Variants in GRIA4 observed in about 807,000 individuals in gnomAD.
GRIA4 encodes the protein glutamate ionotropic receptor AMPA type subunit 4.
In GRIA4, 34 loss-of-function variants were observed where a neutral mutation model predicts 104.0. The ratio of observed to expected loss-of-function variants is 0.33; its 90% CI spans 0.25 to 0.44. The LOEUF is 0.44. GRIA4 is among the 20% of genes least tolerant of loss of function. GRIA4 has a pLI of 1.00. For synonymous variants in GRIA4, 386 were observed against 381.9 expected, an observed-to-expected ratio of 1.01 and a Z score of -0.13; for missense variants, 750 against 1,096.5, an observed-to-expected ratio of 0.68 and a Z score of 4.46.
At chr11:105,763,753 T>C (rs958766477) in intron 4 of GRIA4, among the ~76,000 whole-genome samples, 12 of 152,180 alleles carry the variant, frequency 7.9e-5, no homozygotes, top group Non-Finnish European at 1.3e-4. Context: ...ATTTGGAAGG[T>C]AGATGAAAGA....
At chr11:105,706,904 G>A (rs1439390836) in intron 3 of GRIA4, 1 of 152,224 alleles carries the variant, frequency 6.6e-6, no homozygotes, top group Non-Finnish European at 1.5e-5. Flanking sequence ...GTTTGATCAA[G>A]GTTCTATTTT....
At chr11:105,970,306 T>G (rs2136281876) in intron 14 of GRIA4, among the ~76,000 whole-genome samples, 1 of 151,998 alleles carries the variant, frequency 6.6e-6, no homozygotes, top group South Asian at 2.1e-4. Context: ...ATTTTAGAAT[T>G]TTTTTCAAAA....
At chr11:105,760,999 T>C (rs1487200866) in intron 4 of GRIA4, among the ~76,000 whole-genome samples, 1 of 152,150 alleles carries the variant, frequency 6.6e-6, no homozygotes, top group East Asian at 1.9e-4. Flanking sequence ...ATGTCAGAGG[T>C]TACATATGTT....
intron 5 of GRIA4, among the ~76,000 whole-genome samples, chr11:105,863,494 T>G (rs1945301633): frequency 6.6e-6 from 1 of 152,074 alleles, no homozygotes; most frequent in South Asian, 2.1e-4. Context: ...GTCCAAAAAA[T>G]TTTTGAAGTT....
intron 3 of GRIA4, among the ~76,000 whole-genome samples, chr11:105,712,790 C>T (rs947591233): frequency 6.6e-6 from 1 of 151,610 alleles, no homozygotes; most frequent in Non-Finnish European, 1.5e-5. Context: ...TTTAAAAGTA[C>T]ATTTGGCCTT....
chr11:105,807,376 A>G (rs1018150867), intron 4 of GRIA4, among the ~76,000 whole-genome samples: 2 of 151,956 alleles, frequency 1.3e-5, no homozygotes, highest in Non-Finnish European at 2.9e-5. Flanking sequence ...ATCAATAGAT[A>G]ATGTTAAACA....
chr11:105,782,812 G>C (rs984518268), intron 4 of GRIA4, among the ~76,000 whole-genome samples: 1 of 152,156 alleles, frequency 6.6e-6, no homozygotes, highest in Non-Finnish European at 1.5e-5. Flanking sequence ...TATGCTATAA[G>C]AAGGTCAAGG....
At chr11:105,931,229 G>T (rs1483983431) in intron 13 of GRIA4, among the ~76,000 whole-genome samples, 1 of 149,800 alleles carries the variant, frequency 6.7e-6, no homozygotes, top group Non-Finnish European at 1.5e-5. Context: ...CTAATATGAG[G>T]ATTCTGTTGC....
intron 15 of GRIA4, 68 bp downstream of exon 15, chr11:105,972,096 G>C: frequency 1.1e-6 from 1 of 922,734 alleles, no homozygotes. Flanking sequence ...ATTGTCAAAA[G>C]TATATGGAAA....
chr11:105,719,040 T>C (rs1461342014), intron 3 of GRIA4, among the ~76,000 whole-genome samples: 1 of 152,122 alleles, frequency 6.6e-6, no homozygotes, highest in African/African-American at 2.4e-5. Flanking sequence ...TCTCTCTCTC[T>C]TGTTTTTTTT....
intron 4 of GRIA4, among the ~76,000 whole-genome samples, chr11:105,817,620 T>C (rs1402062272): frequency 6.6e-6 from 1 of 152,064 alleles, no homozygotes; most frequent in Non-Finnish European, 1.5e-5. Flanking sequence ...TTATAAATGA[T>C]AGGATAAATT....
intron 3 of GRIA4, among the ~76,000 whole-genome samples, chr11:105,727,550 A>G (rs1938293255): frequency 6.6e-6 from 1 of 152,156 alleles, no homozygotes. Flanking sequence ...ACTCCTTGAG[A>G]AGAGCAACCC....
intron 4 of GRIA4, among the ~76,000 whole-genome samples, chr11:105,853,293 T>A (rs1944886479): frequency 6.6e-6 from 1 of 152,172 alleles, no homozygotes; most frequent in Non-Finnish European, 1.5e-5. Context: ...CAATCCTAAG[T>A]TTCTGAAGCT....
chr11:105,883,446 GC>G (rs1308227601), intron 5 of GRIA4, among the ~76,000 whole-genome samples: 2 of 127,600 alleles, frequency 1.6e-5, no homozygotes, highest in African/African-American at 6.0e-5. Flanking sequence ...CCCACGGCAG[GC>G]CCAGGTGTGT....
chr11:105,833,519 T>C (rs996949394), intron 4 of GRIA4, among the ~76,000 whole-genome samples: 3 of 151,902 alleles, frequency 2.0e-5, no homozygotes, highest in African/African-American at 7.2e-5. Flanking sequence ...AATAATGCTA[T>C]TTTTATATAT....
At chr11:105,824,897 C>G (rs1451365385) in intron 4 of GRIA4, 1 of 152,022 alleles carries the variant, frequency 6.6e-6, no homozygotes, top group Non-Finnish European at 1.5e-5. Context: ...AATGATGCCT[C>G]TAGGGAGCAA....
At chr11:105,684,823 A>G (rs1467737008) in intron 3 of GRIA4, among the ~76,000 whole-genome samples, 1 of 151,656 alleles carries the variant, frequency 6.6e-6, no homozygotes, top group Non-Finnish European at 1.5e-5. Context: ...AAAGCAGTGC[A>G]TTGACTGATG....
chr11:105,648,586 C>A (rs1212811815), intron 3 of GRIA4, among the ~76,000 whole-genome samples: 2 of 144,682 alleles, frequency 1.4e-5, no homozygotes, highest in Non-Finnish European at 1.5e-5. Flanking sequence ...TTAATAAATG[C>A]AAAAAGGAAA....
intron 4 of GRIA4, among the ~76,000 whole-genome samples, chr11:105,791,898 A>G (rs1174412930): frequency 1.3e-5 from 2 of 152,168 alleles, no homozygotes; most frequent in Admixed American, 6.6e-5. Flanking sequence ...CAGGATGACA[A>G]ATAGGAAATG....
Sources: allele counts gnomAD v4.1 joint callset (sites outside exome capture counted in the v4.1 genomes callset), GRCh38; gene constraint gnomAD v4.1.1; transcripts MANE v1.5; gene names NCBI Gene and HGNC (gene_info 2026-07-23, HGNC 2026-07-21).